Variants in TRAF5 observed in about 807,000 individuals in gnomAD.
TRAF5 encodes TNF receptor-associated factor 5.
In TRAF5, 48 loss-of-function variants were observed where a neutral mutation model predicts 64.5. That is an observed-to-expected ratio of 0.74 (90% confidence interval 0.59 to 0.95). The LOEUF (loss-of-function observed/expected upper bound fraction) is 0.95. Ranked by LOEUF, TRAF5 falls within the 40% of genes least tolerant of loss-of-function variation. The pLI is 0.00. For synonymous variants in TRAF5, 206 were observed against 240.5 expected, an observed-to-expected ratio of 0.86 and a Z score of 1.33; for missense variants, 545 against 662.8, an observed-to-expected ratio of 0.82 and a Z score of 1.95.
In TRAF5 at chr1:211,361,153, T is replaced by C. The variant is rs79833851; in HGVS notation, c.687T>C (p.Cys229=). ...EQDCPFKHYG[C]AVTDKRRNLQ... The stretch of plus-strand genomic sequence containing the variant: ...ACTGTCCTTTTAAGCACTATGGCTG[T>C]GCTGTAACGGTATGGAATGACTTTT... Residue 229 remains cysteine, a synonymous_variant, in exon 7 of 11, where the codon TGT becomes TGC. Coordinates refer to ENST00000261464, the MANE Select transcript of TRAF5 (RefSeq NM_001033910.3). The C allele has an allele frequency of 6.2e-7, 1 of 1,614,172 alleles. No homozygotes were observed. Among genetic ancestry groups the C allele is most frequent in the Non-Finnish European group, 8.5e-7 (1 of 1,179,984 alleles).
intron 1 of TRAF5, among the ~76,000 whole-genome samples, chr1:211,337,773 A>G (rs2102717525): frequency 6.6e-6 from 1 of 152,266 alleles, no homozygotes; most frequent in East Asian, 1.9e-4. Flanking sequence ...GGATCACTCC[A>G]AAGTTTTTGG....
At chr1:211,362,636 C>T (rs889545757) in intron 7 of TRAF5, among the ~76,000 whole-genome samples, 24 of 151,994 alleles carry the variant, frequency 1.6e-4, no homozygotes, top group Admixed American at 5.2e-4. Flanking sequence ...GCCAAGGTCG[C>T]GCCACTGCAC....
intron 1 of TRAF5, among the ~76,000 whole-genome samples, chr1:211,333,028 C>T (rs1341050415): frequency 2.0e-5 from 3 of 152,190 alleles, no homozygotes; most frequent in Non-Finnish European, 4.4e-5. Flanking sequence ...CTATGTATGA[C>T]TAAGTGGTTC....
At chr1:211,348,206 A>G (rs1702670959) in intron 1 of TRAF5, among the ~76,000 whole-genome samples, 1 of 152,264 alleles carries the variant, frequency 6.6e-6, no homozygotes, top group African/African-American at 2.4e-5. Flanking sequence ...CTATTAAGCA[A>G]CACATTAAAG....
chr1:211,366,215 T>C (rs1703346725), intron 8 of TRAF5, among the ~76,000 whole-genome samples: 1 of 152,230 alleles, frequency 6.6e-6, no homozygotes, highest in South Asian at 2.1e-4. Context: ...CTACTGCAGA[T>C]GATTTTTTGA....
chr1:211,366,426 C>G (rs531584394), intron 8 of TRAF5, among the ~76,000 whole-genome samples: 1 of 152,268 alleles, frequency 6.6e-6, no homozygotes, highest in South Asian at 2.1e-4. Flanking sequence ...ATGTTTGCTG[C>G]TAGGGACACT....
chr1:211,360,866 A>G lies in TRAF5; in HGVS notation c.621+87A>G, dbSNP rs949773447. 1.5e-4 allele frequency: 196 copies of G among 1,285,716 alleles called. No individual in the cohort carries two copies. Among genetic ancestry groups the G allele is most frequent in the Non-Finnish European group, 2.1e-4 (191 of 894,844 alleles). 79.6% of individuals were successfully genotyped at this position (1,285,716 alleles called of 1,614,324 possible). ...GTCTGTGTTTGATACAGTCCCAAAG[A>G]TAAGGGCCCAGGGCTTAAATTACAC... On this transcript the variant is annotated intron_variant, in intron 6 of 10. Coordinates refer to ENST00000261464, the MANE Select transcript of TRAF5 (RefSeq NM_001033910.3).
intron 7 of TRAF5, 149 bp downstream of exon 7, chr1:211,361,311 CA>C: frequency 1.5e-6 from 1 of 681,016 alleles, no homozygotes; most frequent in East Asian, 2.7e-5. Context: ...TCCAGAGAAA[CA>C]GAACCAATGG....
In TRAF5 at chr1:211,360,085, C is replaced by A. The variant is rs780790350; in HGVS notation, c.543+9C>A. 1 of 1,612,992 alleles carries A rather than the reference C, an allele frequency of 6.2e-7. No homozygotes were observed. The highest frequency in any genetic ancestry group is 1.3e-5 in the African/African-American group (1 of 75,034). On this transcript the variant is annotated intron_variant, in intron 5 of 10. Coordinates refer to ENST00000261464, the MANE Select transcript of TRAF5 (RefSeq NM_001033910.3). ...TAGTCATCAATCTACAGGTGAAAAACAACACATACAACAGTCATCTTTATG... is the reference window on the plus strand; with the variant it reads ...TAGTCATCAATCTACAGGTGAAAAAAAACACATACAACAGTCATCTTTATG...
At chr1:211,371,075 G>A (rs760802033) in intron 9 of TRAF5, among the ~76,000 whole-genome samples, 2 of 152,174 alleles carry the variant, frequency 1.3e-5, no homozygotes, top group African/African-American at 4.8e-5. Flanking sequence ...ATAAAGAAAA[G>A]TTCAAACATT....
chr1:211,355,049 T>G (rs1702916616), intron 3 of TRAF5, among the ~76,000 whole-genome samples: 1 of 151,992 alleles, frequency 6.6e-6, no homozygotes. Context: ...GGTGCATGTC[T>G]GTAATCCCAG....
rs1398579658 is a variant in TRAF5 at position 211,373,022 on chromosome 1, T to TA, written c.*320_*321insA. On this transcript the variant is annotated 3_prime_UTR_variant, in exon 11 of 11. Coordinates refer to ENST00000261464, the MANE Select transcript of TRAF5 (RefSeq NM_001033910.3). ...GCAGTGTCTCGGGCACTCTAAATAT[T>TA]GAGTGTTATGGAGGACACAGAGGTA... The TA allele has an allele frequency of 1.5e-5, 3 of 198,352 alleles. No individual in the cohort carries two copies. Among genetic ancestry groups the TA allele is most frequent in the Non-Finnish European group, 2.0e-5 (2 of 97,576 alleles). 12.3% of individuals were successfully genotyped at this position (198,352 alleles called of 1,614,324 possible).
chr1:211,346,304 G>A lies in TRAF5; in HGVS notation c.-1-6935G>A, dbSNP rs1015924688. On this transcript the variant is annotated intron_variant, in intron 1 of 10. Coordinates refer to ENST00000261464, the MANE Select transcript of TRAF5 (RefSeq NM_001033910.3). The stretch of plus-strand genomic sequence containing the variant: ...GTGCCTTATTTCTTCTGTCCTTGGA[G>A]GGACTCAAGGGCAGATGCAACGTCA... 8 of 915,972 alleles carry A rather than the reference G, an allele frequency of 8.7e-6. No individual in the cohort carries two copies. In the Admixed American group the frequency reaches 4.9e-4, roughly 57 times the overall value. The allele number at this position is 915,972 out of a possible 1,614,324, so 56.7% of individuals were successfully genotyped here. A position where few individuals can be genotyped will look rare whatever the true frequency, so the allele number is the denominator to read the frequency against.
rs752763315 is a variant in TRAF5, at chr1:211,354,418, A to G, written c.227A>G (p.Asn76Ser). Reference sequence around the variant, plus strand: ...TTAATTTTTTTCTCCAGAGAATTAAACACAGTGCCAATCTGCCCTGTAGAT... The same window carrying G: ...TTAATTTTTTTCTCCAGAGAATTAAGCACAGTGCCAATCTGCCCTGTAGAT... ...QHCILSLREL[N>S]TVPICPVDKE... The change falls in exon 3 of 11, where the codon AAC (asparagine) becomes AGC (serine). Residue 76 changes from asparagine (N) to serine (S), a missense_variant. Coordinates refer to ENST00000261464, the MANE Select transcript of TRAF5 (RefSeq NM_001033910.3). 2 of 1,614,050 alleles carry G rather than the reference A, an allele frequency of 1.2e-6. No homozygotes were observed. Among genetic ancestry groups the G allele is most frequent in the South Asian group, 2.2e-5 (2 of 91,092 alleles).
At position 211,353,325 on chromosome 1, in the gene TRAF5, C is replaced by T. The variant is rs1026392700; in HGVS notation, c.86C>T (p.Pro29Leu). The T allele has an allele frequency of 5.0e-6, 8 of 1,614,044 alleles. No individual in the cohort carries two copies. The highest frequency in any genetic ancestry group is 5.9e-6 in the Non-Finnish European group (7 of 1,180,046). The change falls in exon 2 of 11, where the codon CCC becomes CTC. Residue 29 changes from proline (P) to leucine (L), a missense_variant. Coordinates refer to ENST00000261464, the MANE Select transcript of TRAF5 (RefSeq NM_001033910.3). ...AACTCCATTTCCTTGGACTTTGAGC[C>T]CAGTATAGAGTACCAGTTTGTGGAG... ...SGNSISLDFE[P>L]SIEYQFVERL...
chr1:211,371,515 C>T, intron 10 of TRAF5, 45 bp downstream of exon 10: 1 of 1,574,932 alleles, frequency 6.3e-7, no homozygotes, highest in African/African-American at 1.4e-5. Flanking sequence ...CATTTGTCTG[C>T]ATGTGTTCAT....
intron 7 of TRAF5, 68 bp downstream of exon 7, chr1:211,361,230 C>T: frequency 7.2e-7 from 1 of 1,392,022 alleles, no homozygotes; most frequent in South Asian, 1.2e-5. Context: ...GTTCAGTTTA[C>T]TCTCTGTTCC....
Position 211,373,208 on chromosome 1 carries a change from T to C in TRAF5, c.*506T>C, listed in dbSNP as rs1457766059. The C allele has an allele frequency of 6.6e-6, 1 of 152,348 alleles. No individual in the cohort carries two copies. Among genetic ancestry groups the C allele is most frequent in the Non-Finnish European group, 1.5e-5 (1 of 68,156 alleles). The allele number at this position is 152,348 out of a possible 1,614,324, so 9.4% of individuals were successfully genotyped here. Reference sequence around the variant, plus strand: ...TAATATGCTCAGTTTGGACCTTTTTTTCAGTTAAATGCTAAATATATGAAA... The same window carrying C: ...TAATATGCTCAGTTTGGACCTTTTTCTCAGTTAAATGCTAAATATATGAAA... On this transcript the variant is annotated 3_prime_UTR_variant, in exon 11 of 11. Transcript: ENST00000261464.
At chr1:211,344,624 G>A (rs952056282) in intron 1 of TRAF5, among the ~76,000 whole-genome samples, 1 of 152,160 alleles carries the variant, frequency 6.6e-6, no homozygotes, top group Admixed American at 6.5e-5. Flanking sequence ...TTCTTCTTCA[G>A]TTTTTGAGGG....
Sources: allele counts gnomAD v4.1 joint callset (sites outside exome capture counted in the v4.1 genomes callset), GRCh38; gene constraint gnomAD v4.1.1; transcripts MANE v1.5; gene names NCBI Gene and HGNC (gene_info 2026-07-23, HGNC 2026-07-21).